Variants in GLCCI1 observed in about 807,000 individuals in gnomAD.
The protein encoded by GLCCI1 is glucocorticoid-induced transcript 1 protein.
A neutral mutation model predicts 52.2 loss-of-function variants in GLCCI1; 24 were observed. The observed-to-expected ratio is 0.46, with a 90% confidence interval of 0.33 to 0.65. GLCCI1 has a LOEUF of 0.65. Among genes scored for constraint, GLCCI1 ranks in the 30% least tolerant of loss-of-function variants. The pLI is 0.02. For missense variants in GLCCI1, 704 were observed against 701.5 expected, an observed-to-expected ratio of 1.00 and a Z score of -0.04; for synonymous variants, 310 against 276.5, an observed-to-expected ratio of 1.12 and a Z score of -1.20.
intron 2 of GLCCI1, among the ~76,000 whole-genome samples, chr7:8,012,399 A>G (rs1411336667): frequency 2.1e-5 from 2 of 93,684 alleles, no homozygotes; most frequent in East Asian, 6.1e-4. Flanking sequence ...GTTTGCAAAT[A>G]TTTTCTCCCA....
At chr7:7,980,724 C>T in intron 1 of GLCCI1, 2 of 715,640 alleles carry the variant, frequency 2.8e-6, no homozygotes, top group Non-Finnish European at 2.5e-6. Context: ...AGTTTCTTAT[C>T]ACTACAGGAG....
chr7:7,984,416 A>G (rs1428818104), intron 1 of GLCCI1, among the ~76,000 whole-genome samples: 1 of 152,178 alleles, frequency 6.6e-6, no homozygotes. Flanking sequence ...GGGCTCTTCA[A>G]GTTAAAAATT....
Position 7,969,861 on chromosome 7 carries a change from TC to T in GLCCI1, c.457+56del. On this transcript the variant is annotated intron_variant, in intron 1 of 7. Transcript: ENST00000223145. The surrounding 1 kb of genome is among the most constrained non-coding windows in gnomAD (Gnocchi z 4.9). The stretch of plus-strand genomic sequence containing the variant: ...GGGCTGCGTCTCCCCGACGGTGCCC[TC>T]CGTGGAAACTTCAGCCTCTTCGGGC... The T allele has an allele frequency of 7.5e-7, 1 of 1,325,244 alleles. No individual in the cohort carries two copies. Among genetic ancestry groups the T allele is most frequent in the Non-Finnish European group, 9.7e-7 (1 of 1,027,666 alleles). The allele number at this position is 1,325,244 out of a possible 1,614,324, so 82.1% of individuals were successfully genotyped here.
chr7:7,995,833 T>A (rs892743999), intron 1 of GLCCI1, among the ~76,000 whole-genome samples: 1 of 151,982 alleles, frequency 6.6e-6, no homozygotes, highest in African/African-American at 2.4e-5. Flanking sequence ...CACACCAACA[T>A]GGCACATGTA....
At chr7:7,981,058 T>A in intron 1 of GLCCI1, 1 of 477,176 alleles carries the variant, frequency 2.1e-6, no homozygotes, top group South Asian at 1.6e-5. Flanking sequence ...AACTCAGGCT[T>A]TACTTTTAGA....
chr7:8,003,806 C>G (rs1781093096), intron 1 of GLCCI1, 102 bp from the exon 2 acceptor site: 3 of 1,003,436 alleles, frequency 3.0e-6, no homozygotes, highest in Non-Finnish European at 2.9e-6. Flanking sequence ...ATATATATCA[C>G]AGGAAAAATT....
intron 4 of GLCCI1, among the ~76,000 whole-genome samples, chr7:8,056,165 G>T (rs1782393533): frequency 6.6e-6 from 1 of 151,778 alleles, no homozygotes; most frequent in Non-Finnish European, 1.5e-5. Flanking sequence ...CCAGACTGGT[G>T]GTGGGTTCCT....
chr7:8,084,606 T>TAATA (rs775385095), intron 6 of GLCCI1: 2 of 243,984 alleles, frequency 8.2e-6, no homozygotes, highest in Non-Finnish European at 1.6e-5. Context: ...TTGAAATACG[T>TAATA]AATAAATAAC....
intron 2 of GLCCI1, among the ~76,000 whole-genome samples, chr7:8,005,699 G>C (rs74354942): frequency 6.6e-6 from 1 of 152,078 alleles, no homozygotes; most frequent in Non-Finnish European, 1.5e-5. Context: ...ACTAAAAAAT[G>C]GTAGCTATTC....
chr7:8,061,980 T>A (rs1281928568), intron 5 of GLCCI1, among the ~76,000 whole-genome samples: 1 of 152,182 alleles, frequency 6.6e-6, no homozygotes, highest in African/African-American at 2.4e-5. Flanking sequence ...TAAAGTGTTT[T>A]TTTTATGCAT....
At chr7:8,023,588 C>CTTTATTTTTTTTTTTTTTT (rs1781544163) in intron 3 of GLCCI1, among the ~76,000 whole-genome samples, 1 of 41,984 alleles carries the variant, frequency 2.4e-5, no homozygotes, top group African/African-American at 1.0e-4. Context: ...CTCTGTTATT[C>CTTTATTTTTTTTTTTTTTT]TTTTTTTTTT....
intron 3 of GLCCI1, among the ~76,000 whole-genome samples, chr7:8,035,832 C>T (rs909168916): frequency 1.3e-5 from 2 of 152,166 alleles, no homozygotes; most frequent in African/African-American, 2.4e-5. Context: ...GTTCCCTCCC[C>T]CACATAGAGA....
intron 3 of GLCCI1, among the ~76,000 whole-genome samples, chr7:8,031,148 C>T (rs1781739193): frequency 6.6e-6 from 1 of 152,084 alleles, no homozygotes; most frequent in Admixed American, 6.6e-5. Context: ...AAGTGTCCGT[C>T]AACAGATGAA....
In GLCCI1 at chr7:8,088,719, G is replaced by A. The variant is rs865776302; in HGVS notation, c.*2181G>A. On this transcript the variant is annotated 3_prime_UTR_variant, in exon 8 of 8. Coordinates refer to ENST00000223145, the MANE Select transcript of GLCCI1 (RefSeq NM_138426.4). ...TTTTTGGTGATGAAATCTCATGTAC[G>A]ATATTTATAGTGATGTGCTTTTATT... The A allele has an allele frequency of 6.6e-6, 1 of 152,538 alleles. No individual in the cohort carries two copies. The highest frequency in any genetic ancestry group is 2.4e-5 in the African/African-American group (1 of 41,434). The allele number at this position is 152,538 out of a possible 1,614,324, so 9.4% of individuals were successfully genotyped here.
intron 2 of GLCCI1, among the ~76,000 whole-genome samples, chr7:8,020,082 A>G (rs1009264283): frequency 2.0e-5 from 3 of 152,222 alleles, no homozygotes; most frequent in African/African-American, 7.2e-5. Context: ...GCCTTTCATA[A>G]TAACACTTAG....
chr7:8,086,259 A>G lies in GLCCI1; in HGVS notation c.1365A>G (p.Pro455=). ...ACAAAAACAAGGTTAATTTCATCCC[A>G]ACCGGATCAGCTTTCTGTCCTGTAA... ...CPDKNKVNFI[P]TGSAFCPVKL... The change falls in exon 8 of 8, where the codon CCA becomes CCG. Residue 455 remains proline, a synonymous_variant. Coordinates refer to ENST00000223145, the MANE Select transcript of GLCCI1 (RefSeq NM_138426.4). The surrounding 1 kb of genome is among the most constrained non-coding windows in gnomAD (Gnocchi z 4.4). 6.2e-7 allele frequency: 1 copy of G among 1,614,124 alleles called. No homozygotes were observed. The highest frequency in any genetic ancestry group is 8.5e-7 in the Non-Finnish European group (1 of 1,180,020).
Position 8,055,653 on chromosome 7 carries a change from CT to C in GLCCI1, c.813+105del, listed in dbSNP as rs570473636. 9.8e-5 allele frequency: 73 copies of C among 742,976 alleles called. No individual in the cohort carries two copies. In the African/African-American group the frequency reaches 1.2e-3, roughly 12 times the overall value. 46.0% of individuals were successfully genotyped at this position (742,976 alleles called of 1,614,324 possible). A position where few individuals can be genotyped will look rare whatever the true frequency, so the allele number is the denominator to read the frequency against. On this transcript the variant is annotated intron_variant, in intron 4 of 7. Coordinates refer to ENST00000223145, the MANE Select transcript of GLCCI1 (RefSeq NM_138426.4). Reference sequence around the variant, plus strand: ...AAAAACCCATAAATATTTAGCTCTACTAAATTACTAGTTTGTTAAATTGTTA... The same window carrying C: ...AAAAACCCATAAATATTTAGCTCTACAAATTACTAGTTTGTTAAATTGTTA...
chr7:8,085,484 T>C (rs1211484641), intron 7 of GLCCI1, among the ~76,000 whole-genome samples: 2 of 152,190 alleles, frequency 1.3e-5, no homozygotes, highest in African/African-American at 4.8e-5. Flanking sequence ...ATGTGTAAGT[T>C]AGAAATGAAA....
At chr7:8,002,926 T>G (rs536526490) in intron 1 of GLCCI1, among the ~76,000 whole-genome samples, 30 of 152,324 alleles carry the variant, frequency 2.0e-4, no homozygotes, top group African/African-American at 7.0e-4. Flanking sequence ...GATTGAACTG[T>G]GTATAATGTC....
Sources: allele counts gnomAD v4.1 joint callset (sites outside exome capture counted in the v4.1 genomes callset), GRCh38; gene constraint gnomAD v4.1.1; non-coding constraint Gnocchi (gnomAD v3.1); transcripts MANE v1.5; gene names NCBI Gene and HGNC (gene_info 2026-07-23, HGNC 2026-07-21).